Variants in SLC12A6 observed in about 807,000 individuals in gnomAD.
SLC12A6 encodes K-Cl cotransporter 3.
SLC12A6 carries 66 observed loss-of-function variants against 135.3 expected under a neutral mutation model. That is an observed-to-expected ratio of 0.49 (90% CI 0.40 to 0.60). SLC12A6 has a LOEUF of 0.60. SLC12A6 is among the 20% of genes least tolerant of loss of function. The pLI is 0.00. For missense variants in SLC12A6, 1,058 were observed against 1,452.3 expected (o/e 0.73, Z 4.41); for synonymous variants, 513 against 508.8 (o/e 1.01, Z -0.11).
Position 34,237,472 on chromosome 15 carries a change from C to G in SLC12A6, c.2881G>C (p.Ala961Pro). 6.2e-7 allele frequency: 1 copy of G among 1,612,874 alleles called. No homozygotes were observed. Among genetic ancestry groups the G allele is most frequent in the East Asian group, 2.2e-5 (1 of 44,842 alleles). ...DNSIQMKKDL[A>P]TFLYHLRIEA... ...ATGCGTAAGTGATATAGGAAGGTGGCTAGGTCCTTCTTCATTTGGATACTG... is the reference window on the plus strand; with the variant it reads ...ATGCGTAAGTGATATAGGAAGGTGGGTAGGTCCTTCTTCATTTGGATACTG... Residue 961 changes from alanine to proline, a missense_variant, in exon 22 of 26, where the codon GCC (alanine) becomes CCC (proline). Physicochemically the swap from Ala to Pro is conservative, Grantham distance 27. Coordinates refer to ENST00000354181, the MANE Select transcript of SLC12A6 (RefSeq NM_001365088.1).
intron 2 of SLC12A6, among the ~76,000 whole-genome samples, chr15:34,276,167 C>A (rs1595480687): frequency 6.6e-6 from 1 of 152,100 alleles, no homozygotes; most frequent in Admixed American, 6.6e-5. Flanking sequence ...AATAATCACA[C>A]AAATTTGACC....
At chr15:34,306,040 C>T (rs182295974) in intron 2 of SLC12A6, among the ~76,000 whole-genome samples, 19 of 151,716 alleles carry the variant, frequency 1.3e-4, no homozygotes, top group African/African-American at 4.1e-4. Flanking sequence ...GGATTACAGG[C>T]GTGAGCCACC....
Position 34,233,770 on chromosome 15 carries a change from G to A in SLC12A6, c.*111C>T, listed in dbSNP as rs998431162. On this transcript the variant is annotated 3_prime_UTR_variant, in exon 26 of 26. Coordinates refer to ENST00000354181, the MANE Select transcript of SLC12A6 (RefSeq NM_001365088.1). ...GCTCATCAAGAGTTCAGTATGATGTGTACAGAACACAGGCTTCTAGTTGAG... is the reference window on the plus strand; with the variant it reads ...GCTCATCAAGAGTTCAGTATGATGTATACAGAACACAGGCTTCTAGTTGAG... 2 of 728,678 alleles carry A rather than the reference G, an allele frequency of 2.7e-6. No homozygotes were observed. The highest frequency in any genetic ancestry group is 5.1e-6 in the Non-Finnish European group (2 of 391,594). The allele number at this position is 728,678 out of a possible 1,614,324, so 45.1% of individuals were successfully genotyped here.
chr15:34,326,984 A>ATT (rs1889511309), intron 2 of SLC12A6, among the ~76,000 whole-genome samples: 1 of 150,530 alleles, frequency 6.6e-6, no homozygotes, highest in African/African-American at 2.5e-5. Flanking sequence ...GAGAAAATGC[A>ATT]GTGTAATGAC....
chr15:34,295,659 T>G (rs78222055), intron 2 of SLC12A6, among the ~76,000 whole-genome samples: 1,552 of 152,308 alleles, frequency 0.01, 34 homozygotes, highest in African/African-American at 0.036. Flanking sequence ...TATTCTTGTA[T>G]CAAAAAATTT....
At chr15:34,336,938 G>A (rs1890240500) in intron 1 of SLC12A6, 186 bp from the exon 2 acceptor site, 1 of 516,760 alleles carries the variant, frequency 1.9e-6, no homozygotes, top group African/African-American at 1.9e-5. Flanking sequence ...ACAAAACAAT[G>A]CCAATCTTGT....
intron 4 of SLC12A6, 131 bp from the exon 5 acceptor site, chr15:34,259,075 C>T: frequency 1.4e-6 from 1 of 702,934 alleles, no homozygotes; most frequent in Non-Finnish European, 2.4e-6. Flanking sequence ...TGCAGTGGCT[C>T]ACACCTGTAA....
intron 3 of SLC12A6, among the ~76,000 whole-genome samples, chr15:34,269,752 G>A (rs1893784989): frequency 6.6e-6 from 1 of 151,906 alleles, no homozygotes; most frequent in South Asian, 2.1e-4. Context: ...TAAATTGGTA[G>A]TTGAATCTAA....
intron 2 of SLC12A6, among the ~76,000 whole-genome samples, chr15:34,333,020 G>C (rs1233634168): frequency 3.3e-5 from 5 of 151,776 alleles, no homozygotes; most frequent in Admixed American, 2.0e-4. Flanking sequence ...CATTTATTTT[G>C]TTATTTTTTT....
intron 2 of SLC12A6, among the ~76,000 whole-genome samples, chr15:34,279,813 T>C (rs922058935): frequency 3.3e-5 from 5 of 152,176 alleles, no homozygotes; most frequent in African/African-American, 9.7e-5. Context: ...GTCAAAATGA[T>C]AGATCAAATA....
At chr15:34,259,330 G>GT (rs1892958333) in intron 4 of SLC12A6, among the ~76,000 whole-genome samples, 1 of 149,464 alleles carries the variant, frequency 6.7e-6, no homozygotes, top group African/African-American at 2.5e-5. Context: ...AACAGAGGGA[G>GT]ACTCCATCTC....
chr15:34,269,317 A>T (rs1893747267), intron 3 of SLC12A6, among the ~76,000 whole-genome samples: 1 of 151,976 alleles, frequency 6.6e-6, no homozygotes, highest in African/African-American at 2.4e-5. Flanking sequence ...TTTTTTGTAA[A>T]CAGAAAAAAG....
At chr15:34,337,268 A>C (rs2141216706) in intron 1 of SLC12A6, 64 bp downstream of exon 1, 1 of 168,162 alleles carries the variant, frequency 5.9e-6, no homozygotes, top group African/African-American at 2.4e-5. Context: ...GGTGTTTTTG[A>C]TGTCGACAAT....
At chr15:34,267,187 C>A (rs1419663856) in intron 3 of SLC12A6, among the ~76,000 whole-genome samples, 1 of 151,986 alleles carries the variant, frequency 6.6e-6, no homozygotes, top group East Asian at 1.9e-4. Context: ...CCAATTTTCT[C>A]CTCCTGACTT....
At chr15:34,323,586 T>C (rs1047292547) in intron 2 of SLC12A6, among the ~76,000 whole-genome samples, 7 of 152,182 alleles carry the variant, frequency 4.6e-5, no homozygotes, top group Non-Finnish European at 7.4e-5. Flanking sequence ...TCCCCGACCT[T>C]AGTCTGTGGA....
At chr15:34,249,146 G>C (rs926488503) in intron 13 of SLC12A6, among the ~76,000 whole-genome samples, 1 of 152,148 alleles carries the variant, frequency 6.6e-6, no homozygotes, top group Non-Finnish European at 1.5e-5. Context: ...TTAGAGGCTA[G>C]AACTAAAAGG....
chr15:34,284,272 CTTTTCTTTTTTT>C (rs1894884839), intron 2 of SLC12A6, among the ~76,000 whole-genome samples: 1 of 118,976 alleles, frequency 8.4e-6, no homozygotes, highest in Non-Finnish European at 1.8e-5. Flanking sequence ...TTCTTTGTTT[CTTTTCTTTTTTT>C]TTTTTTTTTT....
intron 2 of SLC12A6, among the ~76,000 whole-genome samples, chr15:34,315,600 ACT>A (rs990402629): frequency 1.3e-5 from 2 of 152,186 alleles, no homozygotes; most frequent in East Asian, 1.9e-4. Context: ...AGGTATGTAC[ACT>A]GTTTTTTAAA....
chr15:34,286,005 C>T lies in SLC12A6; in HGVS notation c.272-10616G>A, dbSNP rs371240588. On this transcript the variant is annotated intron_variant, in intron 2 of 25. Coordinates refer to ENST00000354181, the MANE Select transcript of SLC12A6 (RefSeq NM_001365088.1). ...GAAAAAGTTCTGGAGATCTGCACAACAATGGAAATACTCTTAACACTACTG... is the reference window on the plus strand; with the variant it reads ...GAAAAAGTTCTGGAGATCTGCACAATAATGGAAATACTCTTAACACTACTG... Among the ~76,000 whole-genome samples the T allele has an allele frequency of 9.2e-5, 14 of 151,494 alleles. No individual in the cohort carries two copies. The East Asian group carries it at 1.5e-3, about 17-fold the overall frequency.
Sources: allele counts gnomAD v4.1 joint callset (sites outside exome capture counted in the v4.1 genomes callset), GRCh38; gene constraint gnomAD v4.1.1; transcripts MANE v1.5; gene names NCBI Gene and HGNC (gene_info 2026-07-23, HGNC 2026-07-21).